Variants in KANK1 observed in about 807,000 individuals in gnomAD.
KANK1 encodes the protein KN motif and ankyrin repeat domains 1, also known as KN motif and ankyrin repeat domain-containing protein 1.
A neutral mutation model predicts 106.2 loss-of-function variants in KANK1; 109 were observed. The observed-to-expected ratio is 1.03, with a 90% CI of 0.88 to 1.20. The LOEUF (loss-of-function observed/expected upper bound fraction) is 1.20, where lower values mean the gene tolerates loss of function less well. KANK1 is among the 50% of genes most tolerant of loss of function. The pLI is 0.00. For missense variants in KANK1, 2,399 were observed against 1,710.7 expected (o/e 1.40, Z -7.10); for synonymous variants, 873 against 652.2 (o/e 1.34, Z -5.16).
chr9:730,126 C>T lies in KANK1; in HGVS notation c.2774C>T (p.Pro925Leu). 6.2e-7 allele frequency: 1 copy of T among 1,614,174 alleles called. No individual in the cohort carries two copies. Among genetic ancestry groups the T allele is most frequent in the Non-Finnish European group, 8.5e-7 (1 of 1,180,020 alleles). Residue 925 changes from proline (P) to leucine (L), a missense_variant, in exon 4 of 12, where the codon CCT (proline) becomes CTT (leucine). Pro to Leu is a moderately conservative substitution (Grantham distance 98). Transcript: ENST00000382297. ...GSPLSSQTSQ[P>L]EQEVGTSEGK... is the part of the protein sequence containing the mutation. ...CCCTTAAGCTCCCAGACATCCCAGC[C>T]TGAGCAAGAAGTGGGGACCTCAGAA...
chr9:494,638 C>A (rs1171154944), intron 3 of KANK1, among the ~76,000 whole-genome samples: 1 of 152,186 alleles, frequency 6.6e-6, no homozygotes, highest in East Asian at 1.9e-4. Context: ...CACTATGGAG[C>A]AATACACGTG....
chr9:657,079 T>A lies in KANK1; in HGVS notation c.-83-19811T>A, dbSNP rs148037602. Among the ~76,000 whole-genome samples the A allele has an allele frequency of 6.4e-3, 981 of 152,306 alleles. 8 individuals are homozygous for A. The highest frequency in any genetic ancestry group is 0.022 in the African/African-American group (925 of 41,530). ...GCCGCTGGCACCAACCTTTCTACTT[T>A]CTGTTTCTATGACTTTAATTACATG... On this transcript the variant is annotated intron_variant, in intron 1 of 11. Transcript: ENST00000382297.
chr9:716,232 A>G (rs1827659887), intron 3 of KANK1, among the ~76,000 whole-genome samples: 1 of 152,224 alleles, frequency 6.6e-6, no homozygotes, highest in African/African-American at 2.4e-5. Context: ...CTCTGTCACT[A>G]GAACAGATTG....
At chr9:656,532 A>G (rs1031352481) in intron 1 of KANK1, among the ~76,000 whole-genome samples, 1 of 152,088 alleles carries the variant, frequency 6.6e-6, no homozygotes, top group East Asian at 1.9e-4. Context: ...CCATACTGCT[A>G]TTCTCCAAGG....
At chr9:495,756 A>AG (rs1413816749) in intron 3 of KANK1, 1 of 152,220 alleles carries the variant, frequency 6.6e-6, no homozygotes, top group East Asian at 1.9e-4. Flanking sequence ...AGCTTCGTTC[A>AG]GAAAAACCTT....
rs1196250404 is a variant in KANK1 at position 745,635 on chromosome 9, A to G, written c.*400A>G. On this transcript the variant is annotated 3_prime_UTR_variant, in exon 12 of 12. Coordinates refer to ENST00000382297, the MANE Select transcript of KANK1 (RefSeq NM_015158.5). ...GTGGAACCATTAGAAAGTTCTTCCA[A>G]AATCTCATTCCAGCATAGTTTTGGA... 1 of 154,026 alleles carries G rather than the reference A, an allele frequency of 6.5e-6. No homozygotes were observed. Among genetic ancestry groups the G allele is most frequent in the Non-Finnish European group, 1.4e-5 (1 of 69,356 alleles). 9.5% of individuals were successfully genotyped at this position (154,026 alleles called of 1,614,324 possible).
chr9:683,613 G>C (rs1179725483), intron 2 of KANK1, among the ~76,000 whole-genome samples: 3 of 152,176 alleles, frequency 2.0e-5, no homozygotes, highest in Admixed American at 2.0e-4. Context: ...TGATTAAACA[G>C]ATCAAGTGAA....
At chr9:722,997 A>G (rs992990735) in intron 3 of KANK1, among the ~76,000 whole-genome samples, 4 of 152,232 alleles carry the variant, frequency 2.6e-5, no homozygotes, top group Non-Finnish European at 5.9e-5. Flanking sequence ...GTATCATAGA[A>G]AAAAGACTAG....
At chr9:728,782 T>TTTGCAGAAAGGCCTGCAAACAGATTC (rs1214750450) in intron 3 of KANK1, among the ~76,000 whole-genome samples, 1 of 152,222 alleles carries the variant, frequency 6.6e-6, no homozygotes, top group African/African-American at 2.4e-5. Flanking sequence ...CTCCTTTCTG[T>TTTGCAGAAAGGCCTGCAAACAGATTC]TGATTGCAGG....
chr9:697,508 G>A (rs143891060), intron 2 of KANK1, among the ~76,000 whole-genome samples: 1 of 152,062 alleles, frequency 6.6e-6, no homozygotes, highest in African/African-American at 2.4e-5. Context: ...ATATTTTCTG[G>A]TGAGATATTC....
At chr9:628,027 T>C (rs957340737) in intron 1 of KANK1, among the ~76,000 whole-genome samples, 2 of 152,234 alleles carry the variant, frequency 1.3e-5, no homozygotes, top group Admixed American at 6.5e-5. Context: ...AGTATAATTT[T>C]ATTGGCACAA....
chr9:653,497 C>T (rs1841384985), intron 1 of KANK1, among the ~76,000 whole-genome samples: 1 of 150,942 alleles, frequency 6.6e-6, no homozygotes, highest in Non-Finnish European at 1.5e-5. Context: ...CATGGAAATT[C>T]AGAGGTTATT....
chr9:660,045 T>C, intron 1 of KANK1: 1 of 380,936 alleles, frequency 2.6e-6, no homozygotes, highest in Non-Finnish European at 5.1e-6. Context: ...GTAAGGGTGA[T>C]ACCTGTCCTG....
intron 1 of KANK1, among the ~76,000 whole-genome samples, chr9:636,064 TCAGA>T (rs1194082611): frequency 6.6e-6 from 1 of 152,176 alleles, no homozygotes; most frequent in Non-Finnish European, 1.5e-5. Flanking sequence ...TCTGATATTC[TCAGA>T]CAAATAAATG....
At chr9:480,354 G>A (rs907382267) in intron 3 of KANK1, among the ~76,000 whole-genome samples, 1 of 152,202 alleles carries the variant, frequency 6.6e-6, no homozygotes, top group African/African-American at 2.4e-5. Context: ...CAAAAGGCTA[G>A]GTGGACACGT....
chr9:539,109 G>T (rs1224499586), intron 1 of KANK1, among the ~76,000 whole-genome samples: 1 of 152,126 alleles, frequency 6.6e-6, no homozygotes, highest in Non-Finnish European at 1.5e-5. Flanking sequence ...TTGAACTCCT[G>T]GCCTCAAGTG....
chr9:486,257 A>T (rs1224315845), intron 3 of KANK1, among the ~76,000 whole-genome samples: 2 of 152,204 alleles, frequency 1.3e-5, no homozygotes, highest in Admixed American at 1.3e-4. Context: ...CTTAACCAGG[A>T]TACATAGGAG....
chr9:693,282 A>G (rs533153286), intron 2 of KANK1: 2 of 653,772 alleles, frequency 3.1e-6, no homozygotes, highest in Non-Finnish European at 3.8e-6. Context: ...AAACTCAATC[A>G]TTTCCTTCAC....
rs114538063 is a variant in KANK1 at position 596,927 on chromosome 9, A to G, written c.-83-79963A>G. On this transcript the variant is annotated intron_variant, in intron 1 of 11. Coordinates refer to ENST00000382297, the MANE Select transcript of KANK1 (RefSeq NM_015158.5). ...TCTCTCCTCTCTCTCATCCCTGACA[A>G]TCATTAATCTGCTTTCAGTCTCTAT... Among the ~76,000 whole-genome samples, 462 of 147,072 alleles carry G rather than the reference A, an allele frequency of 3.1e-3. 12 individuals carry two copies. Among genetic ancestry groups the G allele is most frequent in the African/African-American group, 0.011 (437 of 40,904 alleles).
Sources: gnomAD v4.1 joint callset for allele counts (sites outside exome capture counted in the v4.1 genomes callset) on GRCh38, gnomAD v4.1.1 for gene constraint, MANE v1.5 for transcripts, NCBI Gene and HGNC (gene_info 2026-07-23, HGNC 2026-07-21) for gene names.